The following DDR2 variants were observed in gnomAD, a reference collection of about 807,000 sequenced individuals.
DDR2 encodes discoidin domain receptor tyrosine kinase 2.
DDR2 carries 27 observed loss-of-function variants against 94.9 expected under a neutral mutation model. The ratio of observed to expected loss-of-function variants is 0.28; its 90% CI spans 0.21 to 0.39. DDR2 has a LOEUF of 0.39. Among genes scored for constraint, DDR2 ranks in the 10% least tolerant of loss-of-function variants. The pLI, the probability that DDR2 is intolerant of heterozygous loss-of-function variation, is 1.00. For missense variants in DDR2, 783 were observed against 1,076.0 expected (o/e 0.73, Z 3.81); for synonymous variants, 382 against 377.2 (o/e 1.01, Z -0.15).
Position 162,770,493 on chromosome 1 carries a change from T to C in DDR2, c.1485T>C (p.Ala495=). The C allele has an allele frequency of 2.5e-6, 4 of 1,614,022 alleles. No individual in the cohort carries two copies. Among genetic ancestry groups the C allele is most frequent in the Middle Eastern group, 3.3e-4 (2 of 6,062 alleles). The change falls in exon 12 of 18, where the codon GCT becomes GCC. Residue 495 remains alanine (A), a synonymous_variant. Transcript: ENST00000367921. ...SRLIRKLPEF[A]PGEEESGCSG... Reference sequence around the variant, plus strand: ...TGATACGAAAACTCCCAGAATTTGCTCCAGGGGAGGAGGAGTCAGGTGAGG... The same window carrying C: ...TGATACGAAAACTCCCAGAATTTGCCCCAGGGGAGGAGGAGTCAGGTGAGG...
Position 162,753,604 on chromosome 1 carries a change from A to T in DDR2, c.185+407A>T, listed in dbSNP as rs74734053. 3.5e-3 allele frequency among the ~76,000 whole-genome samples: 532 copies of T among 152,260 alleles called. 7 individuals carry two copies. Among genetic ancestry groups the T allele is most frequent in the East Asian group, 0.034 (177 of 5,170 alleles). Reference sequence around the variant, plus strand: ...CCTCTTCTCAGTGGGTCTATGAAACATCACTCACTGCAAAGCATCACTCAC... The same window carrying T: ...CCTCTTCTCAGTGGGTCTATGAAACTTCACTCACTGCAAAGCATCACTCAC... On this transcript the variant is annotated intron_variant, in intron 4 of 17. Coordinates refer to ENST00000367921, the MANE Select transcript of DDR2 (RefSeq NM_006182.4).
chr1:162,688,607 T>C (rs1371788905), intron 2 of DDR2, among the ~76,000 whole-genome samples: 2 of 152,220 alleles, frequency 1.3e-5, no homozygotes, highest in African/African-American at 4.8e-5. Context: ...TTGAAGAACA[T>C]TTATACATGT....
intron 2 of DDR2, among the ~76,000 whole-genome samples, chr1:162,656,367 G>T (rs1558008449): frequency 2.0e-5 from 3 of 152,210 alleles, no homozygotes; most frequent in African/African-American, 7.2e-5. Context: ...TGGGGCTAAA[G>T]TGGTATTTTC....
chr1:162,663,132 C>A (rs1172036624), intron 2 of DDR2, among the ~76,000 whole-genome samples: 1 of 152,212 alleles, frequency 6.6e-6, no homozygotes, highest in Non-Finnish European at 1.5e-5. Context: ...CCCCCCAAAT[C>A]TCCCAGTATC....
intron 3 of DDR2, among the ~76,000 whole-genome samples, chr1:162,729,292 ATATATATATTTT>A (rs1345637568): frequency 2.1e-4 from 5 of 23,824 alleles, no homozygotes; most frequent in African/African-American, 6.1e-4. Flanking sequence ...ATATATATAT[ATATATATATTTT>A]TTTTTTTTTT....
intron 3 of DDR2, among the ~76,000 whole-genome samples, chr1:162,729,813 G>A (rs1053824275): frequency 5.3e-5 from 8 of 151,330 alleles, no homozygotes; most frequent in African/African-American, 2.4e-5. Context: ...GCGCAATCTC[G>A]GCTCACTGCA....
chr1:162,639,608 A>G (rs943504946), intron 1 of DDR2, among the ~76,000 whole-genome samples: 1 of 152,246 alleles, frequency 6.6e-6, no homozygotes, highest in Non-Finnish European at 1.5e-5. Context: ...CACCAAAGGC[A>G]CTATCTGTGA....
chr1:162,668,893 C>A (rs1658704894), intron 2 of DDR2, among the ~76,000 whole-genome samples: 1 of 152,216 alleles, frequency 6.6e-6, no homozygotes, highest in East Asian at 1.9e-4. Flanking sequence ...CAATTCAACC[C>A]ACCATGCTAT....
intron 14 of DDR2, among the ~76,000 whole-genome samples, chr1:162,775,356 G>T (rs554104546): frequency 1.3e-5 from 2 of 152,182 alleles, no homozygotes; most frequent in South Asian, 4.1e-4. Context: ...TTTTGATTCA[G>T]CAAATATTAA....
At chr1:162,778,791 A>C (rs1228839460) in intron 17 of DDR2, 62 bp downstream of exon 17, 1 of 1,609,998 alleles carries the variant, frequency 6.2e-7, no homozygotes, top group African/African-American at 1.3e-5. Flanking sequence ...GAGAATGGCA[A>C]GTCCTGCCTT....
At chr1:162,678,785 G>C (rs1659256405) in intron 2 of DDR2, among the ~76,000 whole-genome samples, 1 of 152,218 alleles carries the variant, frequency 6.6e-6, no homozygotes, top group Non-Finnish European at 1.5e-5. Context: ...AGACCAGTGA[G>C]GTGGAGAAAC....
intron 2 of DDR2, among the ~76,000 whole-genome samples, chr1:162,687,019 G>C (rs2101968324): frequency 6.6e-6 from 1 of 152,330 alleles, no homozygotes; most frequent in Non-Finnish European, 1.5e-5. Context: ...GAAGGTTTTG[G>C]TTGGGGCTCA....
At chr1:162,774,495 G>A (rs1647413903) in intron 14 of DDR2, among the ~76,000 whole-genome samples, 1 of 152,198 alleles carries the variant, frequency 6.6e-6, no homozygotes. Flanking sequence ...AGAGAAAGGT[G>A]AGGAAATGAA....
chr1:162,777,808 C>A (rs780757075), intron 16 of DDR2: 1 of 152,370 alleles, frequency 6.6e-6, no homozygotes, highest in African/African-American at 2.4e-5. Context: ...GGCTGCGCTG[C>A]GCTATGACAA....
At chr1:162,669,097 T>C (rs889263554) in intron 2 of DDR2, among the ~76,000 whole-genome samples, 6 of 152,230 alleles carry the variant, frequency 3.9e-5, no homozygotes, top group African/African-American at 1.4e-4. Context: ...TGGTGACAAA[T>C]ACATGCAGGA....
intron 7 of DDR2, 47 bp from the exon 8 acceptor site, chr1:162,759,749 A>T: frequency 6.2e-7 from 1 of 1,610,670 alleles, no homozygotes. Context: ...TGTGTGGTTA[A>T]CTCAGATTTC....
intron 1 of DDR2, among the ~76,000 whole-genome samples, chr1:162,642,781 T>C (rs1053183086): frequency 6.6e-5 from 10 of 152,144 alleles, no homozygotes; most frequent in African/African-American, 2.4e-4. Context: ...AACCTTTCCC[T>C]CTCTCACTGA....
intron 2 of DDR2, among the ~76,000 whole-genome samples, chr1:162,713,772 G>A (rs1016667238): frequency 2.6e-5 from 4 of 152,054 alleles, no homozygotes; most frequent in Non-Finnish European, 4.4e-5. Context: ...CTAAGTTTTT[G>A]TTGTTAAAAA....
chr1:162,747,522 G>A (rs144534367), intron 3 of DDR2, among the ~76,000 whole-genome samples: 2,033 of 152,292 alleles, frequency 0.013, 52 homozygotes, highest in African/African-American at 0.046. Context: ...ATCTACATCT[G>A]ACTGGTGTAC....
Sources: gnomAD v4.1 joint callset for allele counts (sites outside exome capture counted in the v4.1 genomes callset) on GRCh38, gnomAD v4.1.1 for gene constraint, MANE v1.5 for transcripts, NCBI Gene and HGNC (gene_info 2026-07-23, HGNC 2026-07-21) for gene names.